SLC6A8: variants seen among roughly 807,000 people sequenced by gnomAD.
SLC6A8 encodes the protein solute carrier family 6 member 8, also known as sodium- and chloride-dependent creatine transporter 1.
SLC6A8 carries 6 observed loss-of-function variants against 48.3 expected under a neutral mutation model. That is an observed-to-expected ratio of 0.12 (90% CI 0.07 to 0.25). The LOEUF is 0.25. Among genes scored for constraint, SLC6A8 ranks in the 10% least tolerant of loss-of-function variants. The pLI is 1.00. For missense variants in SLC6A8, 260 were observed against 551.5 expected (o/e 0.47, Z 5.29); for synonymous variants, 245 against 244.0 (o/e 1.00, Z -0.04).
In SLC6A8 at chrX:153,690,499, G is replaced by T. The variant is rs1448790929; in HGVS notation, c.387G>T (p.Leu129=). The change falls in exon 2 of 13, where the codon CTG becomes CTT. Residue 129 remains leucine (L), a synonymous_variant. Coordinates refer to ENST00000253122, the MANE Select transcript of SLC6A8 (RefSeq NM_005629.4). The part of the protein sequence containing the change: ...GSINVWNICP[L]FKGLGYASMV... ...TCAATGTCTGGAACATCTGTCCCCT[G>T]TTCAAAGGTGAGCAGCCCTTGGCCA... is the stretch of plus-strand genomic sequence containing the variant. The T allele has an allele frequency of 7.6e-6, 9 of 1,181,963 alleles. No individual in the cohort carries two copies. In the African/African-American group the frequency reaches 1.6e-4, roughly 21 times the overall value.
intron 1 of SLC6A8, chrX:153,689,458 T>C: frequency 4.0e-6 from 1 of 247,518 alleles, no homozygotes; most frequent in Non-Finnish European, 5.2e-6. Flanking sequence ...GCAACAGCGA[T>C]GGGCACGCGT....
At position 153,696,130 on chromosome X, in the gene SLC6A8, G is replaced by T. The variant is rs1226420201; in HGVS notation, c.*916G>T. 4.3e-6 allele frequency: 1 copy of T among 231,429 alleles called. No individual in the cohort carries two copies. The highest frequency in any genetic ancestry group is 8.1e-6 in the Non-Finnish European group (1 of 123,531). The allele number at this position is 231,429 out of a possible 1,213,427, so 19.1% of individuals were successfully genotyped here. A position where few individuals can be genotyped will look rare whatever the true frequency, so the allele number is the denominator to read the frequency against. The stretch of plus-strand genomic sequence containing the variant: ...GAGCTGTTGCGTGTGTGAGTCTGTT[G>T]TGTGGATGTGCGTGTGTGGTCCCCA... On this transcript the variant is annotated 3_prime_UTR_variant, in exon 13 of 13. Transcript: ENST00000253122.
intron 4 of SLC6A8, chrX:153,692,543 T>C (rs1419014517): frequency 5.9e-6 from 2 of 336,854 alleles, no homozygotes; most frequent in Admixed American, 6.2e-5. Flanking sequence ...GGGGACAAGG[T>C]CCCCAGAGCA....
chrX:153,695,394 C>A lies in SLC6A8; in HGVS notation c.*180C>A, dbSNP rs1438375092. 2.7e-5 allele frequency: 13 copies of A among 480,801 alleles called. No individual in the cohort carries two copies. The highest frequency in any genetic ancestry group is 4.0e-5 in the Non-Finnish European group (11 of 276,230). The allele number at this position is 480,801 out of a possible 1,213,427, so 39.6% of individuals were successfully genotyped here. On this transcript the variant is annotated 3_prime_UTR_variant, in exon 13 of 13. Transcript: ENST00000253122. ...ACTTTTTCCATTTTTAATAAAACGC[C>A]AAAAATATCACAACCCACCAAAAAT...
intron 3 of SLC6A8, 85 bp from the exon 4 acceptor site, chrX:153,691,890 A>T: frequency 9.4e-7 from 1 of 1,058,219 alleles, no homozygotes; most frequent in Non-Finnish European, 1.3e-6. Context: ...TGTGGGAGAG[A>T]AGGGAGCCAC....
At chrX:153,690,345 CCT>C (rs782116341) in intron 1 of SLC6A8, 28 bp from the exon 2 acceptor site, 5 of 1,183,837 alleles carry the variant, frequency 4.2e-6, no homozygotes, top group Non-Finnish European at 1.1e-6. Context: ...TGGGGGCCAC[CCT>C]GAGTCCACGC....
At position 153,687,949 on chromosome X, in the gene SLC6A8, G is replaced by A. The variant is rs1171138970; in HGVS notation, c.-626G>A. The A allele has an allele frequency of 9.2e-6, 1 of 109,013 alleles. No homozygotes were observed. Among genetic ancestry groups the A allele is most frequent in the Non-Finnish European group, 1.9e-5 (1 of 52,389 alleles). The allele number at this position is 109,013 out of a possible 1,213,427, so 9.0% of individuals were successfully genotyped here. On this transcript the variant is annotated 5_prime_UTR_variant, in exon 1 of 13. Coordinates refer to ENST00000253122, the MANE Select transcript of SLC6A8 (RefSeq NM_005629.4). ...GGGAAGAGAGGGATAGTCGGAGCGA[G>A]GTGGCGAGTCGCTGAGCCCGCCGCG... is the stretch of plus-strand genomic sequence containing the variant.
At chrX:153,691,134 G>A (rs1169168237) in intron 2 of SLC6A8, 170 bp from the exon 3 acceptor site, 5 of 533,653 alleles carry the variant, frequency 9.4e-6, no homozygotes, top group South Asian at 2.8e-5. Flanking sequence ...GGGAGTCAGC[G>A]CAGTGTTGGG....
chrX:153,691,104 G>A (rs1557044380), intron 2 of SLC6A8, 200 bp from the exon 3 acceptor site: 14 of 462,537 alleles, frequency 3.0e-5, no homozygotes, highest in Non-Finnish European at 4.6e-5. Context: ...GGGGGCGGCT[G>A]GAGGAGAGGA....
Position 153,693,043 on chromosome X carries a change from C to A in SLC6A8, c.780C>A (p.Ile260=). The A allele has an allele frequency of 3.3e-6, 4 of 1,210,894 alleles. No homozygotes were observed. The highest frequency in any genetic ancestry group is 3.4e-6 in the Non-Finnish European group (3 of 895,255). Residue 260 remains isoleucine (I), a splice_region_variant and synonymous_variant, in exon 5 of 13, where the codon ATC becomes ATA. Transcript: ENST00000253122. ...CGCTGAGCAGCCTGGCCCCCCAGAT[C>A]GTGTACTTCACTGCTACATTCCCCT... ...VWKGVKSTGK[I]VYFTATFPYV...
Position 153,696,086 on chromosome X carries a change from T to A in SLC6A8, c.*872T>A, listed in dbSNP as rs1433242639. 5.3e-6 allele frequency: 1 copy of A among 189,213 alleles called. No homozygotes were observed. Among genetic ancestry groups the A allele is most frequent in the African/African-American group, 3.0e-5 (1 of 33,156 alleles). 15.6% of individuals were successfully genotyped at this position (189,213 alleles called of 1,213,427 possible). The stretch of plus-strand genomic sequence containing the variant: ...TGTGAATTTATAGATCTAACTTTCA[T>A]AGGCAAAACAAAAGCTTCGAGCTGT... On this transcript the variant is annotated 3_prime_UTR_variant, in exon 13 of 13. Coordinates refer to ENST00000253122, the MANE Select transcript of SLC6A8 (RefSeq NM_005629.4).
Position 153,690,899 on chromosome X carries a change from C to CCG in SLC6A8, c.394+394_394+395insGC, listed in dbSNP as rs1557044310. The stretch of plus-strand genomic sequence containing the variant: ...TACCTCAGGCGACTAGAAACCCCCC[C>CCG]CCCCCACCACCACCATCAACACCAG... On this transcript the variant is annotated intron_variant, in intron 2 of 12. Coordinates refer to ENST00000253122, the MANE Select transcript of SLC6A8 (RefSeq NM_005629.4). 3.0e-3 allele frequency: 715 copies of CCG among 238,469 alleles called. 17 individuals carry two copies. The highest frequency in any genetic ancestry group is 0.022 in the African/African-American group (653 of 29,572). The allele number at this position is 238,469 out of a possible 1,213,427, so 19.7% of individuals were successfully genotyped here. A position where few individuals can be genotyped will look rare whatever the true frequency, so the allele number is the denominator to read the frequency against.
In SLC6A8 at chrX:153,693,348, TCAA is replaced by T. The variant is rs782433037; in HGVS notation, c.1006_1008del (p.Asn336del). ...ACAGCCCTGGGCAGCTACAACCGCT[TCAA>T]CAACAACTGCTACAAGTAAGCACCG... is the stretch of plus-strand genomic sequence containing the variant. On this transcript the variant is annotated inframe_deletion, in exon 6 of 13. Coordinates refer to ENST00000253122, the MANE Select transcript of SLC6A8 (RefSeq NM_005629.4). The T allele has an allele frequency of 1.7e-6, 2 of 1,209,055 alleles. No individual in the cohort carries two copies. The highest frequency in any genetic ancestry group is 1.1e-6 in the Non-Finnish European group (1 of 893,970).
At position 153,689,541 on chromosome X, in the gene SLC6A8, G is replaced by T. The variant is rs370519770; in HGVS notation, c.262+705G>T. 9 of 751,341 alleles carry T rather than the reference G, an allele frequency of 1.2e-5. No individual in the cohort carries two copies. In the East Asian group the frequency reaches 4.6e-4, roughly 38 times the overall value. The allele number at this position is 751,341 out of a possible 1,213,427, so 61.9% of individuals were successfully genotyped here. ...GACCCGGTGATGGGTGGGAAACAGA[G>T]GTCCAGAGCAAAGGCCTTTGCCCAA... is the stretch of plus-strand genomic sequence containing the variant. On this transcript the variant is annotated intron_variant, in intron 1 of 12. Coordinates refer to ENST00000253122, the MANE Select transcript of SLC6A8 (RefSeq NM_005629.4).
chrX:153,691,204 C>A, intron 2 of SLC6A8, 100 bp from the exon 3 acceptor site: 1 of 968,961 alleles, frequency 1.0e-6, no homozygotes, highest in Non-Finnish European at 1.4e-6. Flanking sequence ...TCCAGGAGGA[C>A]AGATGGTGGG....
At chrX:153,692,137 T>C in intron 4 of SLC6A8, 30 bp downstream of exon 4, 1 of 1,187,352 alleles carries the variant, frequency 8.4e-7, no homozygotes, top group Non-Finnish European at 1.1e-6. Flanking sequence ...GCGGGGAGGG[T>C]GGCTCAGCCC....
intron 7 of SLC6A8, 79 bp from the exon 8 acceptor site, chrX:153,693,826 G>C: frequency 1.1e-6 from 1 of 890,445 alleles, no homozygotes; most frequent in Admixed American, 2.6e-5. Context: ...GCATGGGCGC[G>C]AGTGTTGCAG....
In SLC6A8 at chrX:153,696,144, G is replaced by T. The variant is rs2091490571; in HGVS notation, c.*930G>T. On this transcript the variant is annotated 3_prime_UTR_variant, in exon 13 of 13. Coordinates refer to ENST00000253122, the MANE Select transcript of SLC6A8 (RefSeq NM_005629.4). ...GTGAGTCTGTTGTGTGGATGTGCGTGTGTGGTCCCCAGCCCCAGACTGGAT... is the reference window on the plus strand; with the variant it reads ...GTGAGTCTGTTGTGTGGATGTGCGTTTGTGGTCCCCAGCCCCAGACTGGAT... 4.2e-6 allele frequency: 1 copy of T among 238,717 alleles called. No homozygotes were observed. Among genetic ancestry groups the T allele is most frequent in the Non-Finnish European group, 7.9e-6 (1 of 126,597 alleles). The allele number at this position is 238,717 out of a possible 1,213,427, so 19.7% of individuals were successfully genotyped here.
At chrX:153,690,602 C>T (rs1428607332) in intron 2 of SLC6A8, 96 bp downstream of exon 2, 2 of 953,266 alleles carry the variant, frequency 2.1e-6, no homozygotes, top group East Asian at 3.4e-5. Flanking sequence ...AGGCCTGGGG[C>T]CACGTGATGG....
Sources: allele counts gnomAD v4.1 joint callset, GRCh38; gene constraint gnomAD v4.1.1; transcripts MANE v1.5; gene names NCBI Gene and HGNC (gene_info 2026-07-23, HGNC 2026-07-21).